Variants in MUSK observed in about 807,000 individuals in gnomAD.
MUSK encodes muscle, skeletal receptor tyrosine-protein kinase.
A neutral mutation model predicts 88.7 loss-of-function variants in MUSK; 55 were observed. That is an observed-to-expected ratio of 0.62 (90% confidence interval 0.50 to 0.78). MUSK has a LOEUF of 0.78. MUSK is among the 30% of genes least tolerant of loss of function. The pLI, the probability that MUSK is intolerant of heterozygous loss-of-function variation, is 0.00. For missense variants in MUSK, 1,015 were observed against 1,074.3 expected (o/e 0.94, Z 0.77); for synonymous variants, 387 against 391.9 (o/e 0.99, Z 0.15).
In MUSK at chr9:110,740,900, CA is replaced by C. The variant is rs1490253177; in HGVS notation, c.753+6528del. On this transcript the variant is annotated intron_variant, in intron 6 of 14. Transcript: ENST00000374448. ...GTGAAATAAGCCAGATACAGAAAGGCAAATACCAAATGATCTCACTTATATG... is the reference window on the plus strand; with the variant it reads ...GTGAAATAAGCCAGATACAGAAAGGCAATACCAAATGATCTCACTTATATG... Among the ~76,000 whole-genome samples the C allele has an allele frequency of 2.4e-4, 36 of 152,074 alleles. 1 individual carries two copies. The highest frequency in any genetic ancestry group is 2.4e-3 in the Admixed American group (36 of 15,260).
At chr9:110,722,340 G>A (rs888504965) in intron 5 of MUSK, among the ~76,000 whole-genome samples, 1 of 152,084 alleles carries the variant, frequency 6.6e-6, no homozygotes, top group Non-Finnish European at 1.5e-5. Flanking sequence ...GACCAGCCTG[G>A]CCAATATGGT....
At position 110,806,100 on chromosome 9, in the gene MUSK, C is replaced by G. The variant is rs1368188839; in HGVS notation, c.*5112C>G. On this transcript the variant is annotated 3_prime_UTR_variant, in exon 15 of 15. Coordinates refer to ENST00000374448, the MANE Select transcript of MUSK (RefSeq NM_005592.4). Reference sequence around the variant, plus strand: ...TCTCTAGTCCCAGCCTAAGTGCTAACCACTTCACCCATTTATAGTGTTAGT... The same window carrying G: ...TCTCTAGTCCCAGCCTAAGTGCTAAGCACTTCACCCATTTATAGTGTTAGT... Among the ~76,000 whole-genome samples, 1 of 152,078 alleles carries G rather than the reference C, an allele frequency of 6.6e-6. No individual in the cohort carries two copies. Among genetic ancestry groups the G allele is most frequent in the African/African-American group, 2.4e-5 (1 of 41,426 alleles).
chr9:110,734,371 A>C lies in MUSK; in HGVS notation c.749A>C (p.Asn250Thr). Residue 250 changes from asparagine to threonine, a missense_variant, in exon 6 of 15, where the codon AAT becomes ACT. By Grantham distance (65) the Asn-to-Thr change is moderately conservative. Transcript: ENST00000374448. The stretch of plus-strand genomic sequence containing the variant: ...ACCATCACCTGGATTGAAAACGGAA[A>C]TGCTGTGAGTGTCATGTGTGTGGGG... ...VPTITWIENG[N>T]AVSSGSIQES... 4 of 1,613,126 alleles carry C rather than the reference A, an allele frequency of 2.5e-6. No individual in the cohort carries two copies. Among genetic ancestry groups the C allele is most frequent in the Non-Finnish European group, 3.4e-6 (4 of 1,179,344 alleles).
At chr9:110,675,164 C>T (rs1218874927) in intron 1 of MUSK, among the ~76,000 whole-genome samples, 2 of 148,142 alleles carry the variant, frequency 1.4e-5, no homozygotes, top group African/African-American at 2.5e-5. Flanking sequence ...CTTGCAGAGT[C>T]GGTAAGTGAT....
chr9:110,725,181 A>T (rs2076867795), intron 5 of MUSK, among the ~76,000 whole-genome samples: 1 of 152,074 alleles, frequency 6.6e-6, no homozygotes, highest in Non-Finnish European at 1.5e-5. Flanking sequence ...GTATGTTTTC[A>T]TGCATAAGTG....
In MUSK at chr9:110,767,856, G is replaced by T. The variant is rs1306377389; in HGVS notation, c.957G>T (p.Gln319His). 6.2e-7 allele frequency: 1 copy of T among 1,614,014 alleles called. No individual in the cohort carries two copies. The highest frequency in any genetic ancestry group is 8.5e-7 in the Non-Finnish European group (1 of 1,179,884). Residue 319 changes from glutamine (Q) to histidine (H), a missense_variant, in exon 9 of 15, where the codon CAG becomes CAT. By Grantham distance (24) the Gln-to-His change is conservative. Transcript: ENST00000374448. ...PQKDNKGYCA[Q>H]YRGEVCNAVL... is the part of the protein sequence containing the mutation. ...AAGATAACAAAGGCTACTGCGCCCAGTACAGAGGGGAGGTGTGTAATGCAG... is the reference window on the plus strand; with the variant it reads ...AAGATAACAAAGGCTACTGCGCCCATTACAGAGGGGAGGTGTGTAATGCAG...
intron 5 of MUSK, among the ~76,000 whole-genome samples, chr9:110,711,207 C>G (rs563735674): frequency 1.3e-5 from 2 of 152,228 alleles, no homozygotes; most frequent in East Asian, 3.9e-4. Flanking sequence ...ACATATGTAA[C>G]AAACCTGCAC....
At chr9:110,743,849 C>T (rs970552637) in intron 6 of MUSK, among the ~76,000 whole-genome samples, 4 of 152,082 alleles carry the variant, frequency 2.6e-5, no homozygotes, top group African/African-American at 7.2e-5. Context: ...TTTGTGGCTA[C>T]ATTAATCAGA....
chr9:110,679,533 C>T (rs2076080073), intron 1 of MUSK, among the ~76,000 whole-genome samples: 1 of 151,988 alleles, frequency 6.6e-6, no homozygotes, highest in African/African-American at 2.4e-5. Context: ...ACCATTGGCA[C>T]TTACTGTGAT....
At chr9:110,762,853 G>A (rs1451465249) in intron 8 of MUSK, among the ~76,000 whole-genome samples, 1 of 152,086 alleles carries the variant, frequency 6.6e-6, no homozygotes, top group African/African-American at 2.4e-5. Context: ...CAGGCAGCAG[G>A]ATACAAAATT....
chr9:110,750,762 G>A (rs1312161836), intron 7 of MUSK, among the ~76,000 whole-genome samples: 1 of 152,176 alleles, frequency 6.6e-6, no homozygotes, highest in Non-Finnish European at 1.5e-5. Flanking sequence ...TGCCATCCAT[G>A]TTGGAGTAAG....
chr9:110,787,361 C>CAAAAA (rs10659550), intron 13 of MUSK, among the ~76,000 whole-genome samples: 2 of 91,428 alleles, frequency 2.2e-5, no homozygotes, highest in Admixed American at 1.2e-4. Context: ...GACTCTGTCT[C>CAAAAA]AAAAAAAAAA....
At chr9:110,755,939 T>TATATAC (rs1554750776) in intron 7 of MUSK, among the ~76,000 whole-genome samples, 2 of 71,214 alleles carry the variant, frequency 2.8e-5, no homozygotes, top group African/African-American at 5.8e-5. Flanking sequence ...TATACATATA[T>TATATAC]ATATATATAT....
At chr9:110,785,413 A>T in intron 12 of MUSK, 114 bp from the exon 13 acceptor site, 2 of 918,840 alleles carry the variant, frequency 2.2e-6, no homozygotes, top group Non-Finnish European at 3.2e-6. Flanking sequence ...TGGCTGCCTT[A>T]GTATAACTTG....
At chr9:110,775,551 G>T in intron 9 of MUSK, 1 of 520,252 alleles carries the variant, frequency 1.9e-6, no homozygotes, top group Non-Finnish European at 3.5e-6. Context: ...TTTTCCCTTA[G>T]ACTAGCATTA....
chr9:110,689,956 A>T (rs2076293996), intron 3 of MUSK, among the ~76,000 whole-genome samples: 1 of 73,574 alleles, frequency 1.4e-5, no homozygotes, highest in Non-Finnish European at 2.5e-5. Flanking sequence ...TTAAATATAA[A>T]TATATATTTA....
At chr9:110,670,197 C>T (rs931811347) in intron 1 of MUSK, among the ~76,000 whole-genome samples, 5 of 152,032 alleles carry the variant, frequency 3.3e-5, no homozygotes, top group African/African-American at 1.2e-4. Flanking sequence ...CTAATGAATA[C>T]TTTAAGGCAT....
intron 1 of MUSK, among the ~76,000 whole-genome samples, chr9:110,681,031 ATATATTATATAATATATATTATATATT>A (rs1564209377): frequency 1.9e-4 from 2 of 10,366 alleles, no homozygotes; most frequent in East Asian, 1.6e-3. Context: ...ATTATATATT[ATATATTATATAATATATATTATATATT>A]ATATATATAA....
intron 5 of MUSK, among the ~76,000 whole-genome samples, chr9:110,698,769 A>G (rs954408168): frequency 5.3e-5 from 8 of 152,170 alleles, no homozygotes; most frequent in Admixed American, 5.2e-4. Flanking sequence ...GTAATTTAAT[A>G]TCTTCTAAAT....
Sources: gnomAD v4.1 joint callset for allele counts (sites outside exome capture counted in the v4.1 genomes callset) on GRCh38, gnomAD v4.1.1 for gene constraint, MANE v1.5 for transcripts, NCBI Gene and HGNC (gene_info 2026-07-23, HGNC 2026-07-21) for gene names.